SAMSN1: variants seen among roughly 807,000 people sequenced by gnomAD.
SAMSN1 encodes the protein SAM domain, SH3 domain and nuclear localization signals 1.
SAMSN1 carries 31 observed loss-of-function variants against 42.0 expected under a neutral mutation model. That is an observed-to-expected ratio of 0.74 (90% CI 0.55 to 1.00). The LOEUF is 1.00. SAMSN1 is among the 50% of genes least tolerant of loss of function. SAMSN1 has a pLI of 0.00. For synonymous variants in SAMSN1, 178 were observed against 151.9 expected (o/e 1.17, Z -1.26); for missense variants, 464 against 439.4 (o/e 1.06, Z -0.50).
intron 6 of SAMSN1, chr21:14,597,893 T>A (rs139133031): frequency 6.6e-6 from 1 of 152,248 alleles, no homozygotes; most frequent in Non-Finnish European, 1.5e-5. Flanking sequence ...TTTATCCTCA[T>A]GAGACTCTGC....
intron 3 of SAMSN1, among the ~76,000 whole-genome samples, chr21:14,615,594 C>T (rs550691892): frequency 4.7e-4 from 72 of 152,250 alleles, no homozygotes; most frequent in Non-Finnish European, 6.5e-4. Flanking sequence ...AAAGCCAGGC[C>T]TGACCTAAAT....
intron 2 of SAMSN1, among the ~76,000 whole-genome samples, chr21:14,633,033 A>G (rs1983372638): frequency 6.6e-6 from 1 of 152,110 alleles, no homozygotes; most frequent in African/African-American, 2.4e-5. Context: ...GCCCTACTCT[A>G]TTGGAATCAA....
At chr21:14,579,342 T>C (rs1981621172) in intron 2 of SAMSN1, among the ~76,000 whole-genome samples, 1 of 152,152 alleles carries the variant, frequency 6.6e-6, no homozygotes, top group Non-Finnish European at 1.5e-5. Flanking sequence ...AAGTTATATA[T>C]TAAAATAGAC....
At chr21:14,539,781 C>T (rs148134494) in intron 1 of SAMSN1, among the ~76,000 whole-genome samples, 2,158 of 152,140 alleles carry the variant, frequency 0.014, 36 homozygotes, top group African/African-American at 0.041. Context: ...TCCACAGAAT[C>T]GGAAAAAACT....
Position 14,510,430 on chromosome 21 carries a change from ACTTGTACCATCTGAACAG to A in SAMSN1, c.423_440del (p.Cys142_Ser147del). 1.9e-6 allele frequency: 3 copies of A among 1,614,180 alleles called. No individual in the cohort carries two copies. The highest frequency in any genetic ancestry group is 2.5e-6 in the Non-Finnish European group (3 of 1,180,024). Reference sequence around the variant, plus strand: ...CATCCAGTCGAAAGCTGTCCCGGTTACTTGTACCATCTGAACAGCTTGTTATGCCACCTGATGAAAGCA... The same window carrying A: ...CATCCAGTCGAAAGCTGTCCCGGTTACTTGTTATGCCACCTGATGAAAGCA... On this transcript the variant is annotated inframe_deletion, in exon 5 of 8. Coordinates refer to ENST00000400566, the MANE Select transcript of SAMSN1 (RefSeq NM_022136.5).
rs756805588 is a variant in SAMSN1, at chr21:14,510,347, G to A, written c.524C>T (p.Thr175Met). The part of the protein sequence containing the change: ...CGRARVHTDF[T>M]PSPYDTDSLK... ...GGAGTCAGTGTCATAGGGACTTGGC[G>A]TGAAATCCGTATGCACTCTGGCACG... The change falls in exon 5 of 8, where the codon ACG becomes ATG. Residue 175 changes from threonine to methionine, a missense_variant. By Grantham distance (81) the Thr-to-Met change is moderately conservative. Transcript: ENST00000400566. 1.4e-5 allele frequency: 22 copies of A among 1,613,994 alleles called. No individual in the cohort carries two copies. The highest frequency in any genetic ancestry group is 8.9e-5 in the East Asian group (4 of 44,876).
intron 2 of SAMSN1, among the ~76,000 whole-genome samples, chr21:14,617,713 A>T (rs1982877223): frequency 6.6e-6 from 1 of 152,344 alleles, no homozygotes; most frequent in Admixed American, 6.5e-5. Flanking sequence ...GAATATGGGA[A>T]ACATTCGATA....
At chr21:14,602,595 C>T (rs1480255075) in intron 5 of SAMSN1, among the ~76,000 whole-genome samples, 1 of 152,190 alleles carries the variant, frequency 6.6e-6, no homozygotes, top group Non-Finnish European at 1.5e-5. Flanking sequence ...TTGCTTGCAG[C>T]TAAATGAAAC....
chr21:14,569,081 A>G (rs576115878), intron 2 of SAMSN1, among the ~76,000 whole-genome samples: 1 of 152,268 alleles, frequency 6.6e-6, no homozygotes, highest in African/African-American at 2.4e-5. Flanking sequence ...ACTTGAATCC[A>G]GGAGTTCAAG....
chr21:14,586,551 G>A (rs780075646), upstream of SAMSN1, among the ~76,000 whole-genome samples: 147 of 152,116 alleles, frequency 9.7e-4, no homozygotes, highest in Non-Finnish European at 1.6e-3. Flanking sequence ...AGTAATATGA[G>A]ATCACAGTTT....
chr21:14,517,563 AT>A (rs1224494711), intron 2 of SAMSN1, among the ~76,000 whole-genome samples: 4 of 152,082 alleles, frequency 2.6e-5, no homozygotes, highest in Admixed American at 6.5e-5. Flanking sequence ...GAAATGTTAG[AT>A]TTTTTTTCAT....
chr21:14,525,606 AAGG>A (rs1282130976), intron 1 of SAMSN1, among the ~76,000 whole-genome samples: 4 of 152,234 alleles, frequency 2.6e-5, no homozygotes, highest in Admixed American at 2.6e-4. Flanking sequence ...ATTTGATGTT[AAGG>A]AAGTAATGTT....
At chr21:14,601,710 G>C (rs1982436209) in intron 6 of SAMSN1, among the ~76,000 whole-genome samples, 2 of 152,160 alleles carry the variant, frequency 1.3e-5, no homozygotes, top group Non-Finnish European at 2.9e-5. Context: ...TTTTATATAA[G>C]TGTTTAGCAT....
chr21:14,646,596 G>A (rs1308260059), intron 1 of SAMSN1, among the ~76,000 whole-genome samples: 6 of 152,136 alleles, frequency 3.9e-5, no homozygotes, highest in African/African-American at 1.2e-4. Context: ...ACTGGTAATA[G>A]TAAGTACACA....
At chr21:14,648,309 A>G (rs1174282846) in intron 1 of SAMSN1, among the ~76,000 whole-genome samples, 1 of 152,222 alleles carries the variant, frequency 6.6e-6, no homozygotes, top group African/African-American at 2.4e-5. Context: ...CTAAAACCAT[A>G]AAAACCCTAG....
At chr21:14,498,659 T>G in intron 6 of SAMSN1, 67 bp from the exon 7 acceptor site, 2 of 1,337,178 alleles carry the variant, frequency 1.5e-6, no homozygotes, top group South Asian at 3.1e-5. Context: ...TCTCTTTAGA[T>G]TTAAAGAAAG....
At chr21:14,502,516 T>A (rs1165188350) in intron 5 of SAMSN1, among the ~76,000 whole-genome samples, 5 of 152,156 alleles carry the variant, frequency 3.3e-5, no homozygotes. Context: ...ATAATAGTAT[T>A]TCAATTTTCA....
At chr21:14,587,772 AT>A (rs902441455), upstream of SAMSN1, among the ~76,000 whole-genome samples, 4 of 138,224 alleles carry the variant, frequency 2.9e-5, no homozygotes, top group East Asian at 2.1e-4. Flanking sequence ...TATTTTTTAA[AT>A]TTTTTTTATT....
intron 2 of SAMSN1, among the ~76,000 whole-genome samples, chr21:14,519,219 A>G (rs928325709): frequency 2.6e-5 from 4 of 152,176 alleles, no homozygotes; most frequent in African/African-American, 9.7e-5. Context: ...TGAGTGTCTA[A>G]GGGAAAACCT....
Sources: gnomAD v4.1 joint callset for allele counts (sites outside exome capture counted in the v4.1 genomes callset) on GRCh38, gnomAD v4.1.1 for gene constraint, MANE v1.5 for transcripts, NCBI Gene and HGNC (gene_info 2026-07-23, HGNC 2026-07-21) for gene names.